The following FZR1 variants were observed in gnomAD, a reference collection of about 807,000 sequenced individuals.
The protein encoded by FZR1 is fizzy and cell division cycle 20 related 1.
In FZR1, 11 loss-of-function variants were observed where a neutral mutation model predicts 63.6. The ratio of observed to expected loss-of-function variants is 0.17; its 90% CI spans 0.11 to 0.29. The LOEUF is 0.29. Ranked by LOEUF, FZR1 falls within the 10% of genes least tolerant of loss-of-function variation. The pLI, the probability that FZR1 is intolerant of heterozygous loss-of-function variation, is 1.00. For synonymous variants in FZR1, 328 were observed against 297.9 expected, an observed-to-expected ratio of 1.10 and a Z score of -1.04; for missense variants, 440 against 687.5, an observed-to-expected ratio of 0.64 and a Z score of 4.03.
chr19:3,508,887 C>G (rs573118320), intron 1 of FZR1, among the ~76,000 whole-genome samples: 1 of 152,354 alleles, frequency 6.6e-6, no homozygotes, highest in South Asian at 2.1e-4. Context: ...CTGTGAGCCC[C>G]GTGAGGGCAG....
intron 1 of FZR1, among the ~76,000 whole-genome samples, chr19:3,520,469 C>T (rs537195723): frequency 2.6e-5 from 4 of 152,350 alleles, no homozygotes; most frequent in African/African-American, 9.6e-5. Context: ...CTGCCCTGCA[C>T]TCTGCCTTCG....
chr19:3,531,632 G>A lies in FZR1; in HGVS notation c.721-82G>A, dbSNP rs149927399. ...GTCCCAGAGCCCTGGTGAGGAGAGA[G>A]CCTGGCGCGACCAACGCCAGGACGG... On this transcript the variant is annotated intron_variant, in intron 8 of 13. Coordinates refer to ENST00000441788, the MANE Select transcript of FZR1 (RefSeq NM_016263.4). 864 of 925,170 alleles carry A rather than the reference G, an allele frequency of 9.3e-4. 1 individual carries two copies. The highest frequency in any genetic ancestry group is 1.2e-3 in the Non-Finnish European group (728 of 604,838). The allele number at this position is 925,170 out of a possible 1,614,324, so 57.3% of individuals were successfully genotyped here.
At position 3,535,826 on chromosome 19, in the gene FZR1, C is replaced by G. The variant is rs1216553351; in HGVS notation, c.*990C>G. 6.6e-6 allele frequency: 1 copy of G among 152,368 alleles called. No homozygotes were observed. Among genetic ancestry groups the G allele is most frequent in the African/African-American group, 2.4e-5 (1 of 41,470 alleles). The allele number at this position is 152,368 out of a possible 1,614,324, so 9.4% of individuals were successfully genotyped here. A position where few individuals can be genotyped will look rare whatever the true frequency, so the allele number is the denominator to read the frequency against. On this transcript the variant is annotated 3_prime_UTR_variant, in exon 14 of 14. Transcript: ENST00000441788. ...CACCTGTCCTGTCCACCAGCGCCAACAGCCGTGGGGAAGCCAAGGAGACCC... is the reference window on the plus strand; with the variant it reads ...CACCTGTCCTGTCCACCAGCGCCAAGAGCCGTGGGGAAGCCAAGGAGACCC...
chr19:3,513,548 C>T (rs1336317263), intron 1 of FZR1, among the ~76,000 whole-genome samples: 2 of 152,220 alleles, frequency 1.3e-5, no homozygotes, highest in African/African-American at 4.8e-5. Context: ...GGCGCCTGCC[C>T]ACCTGCTGTC....
intron 1 of FZR1, chr19:3,521,269 TATC>T (rs1357462418): frequency 1.3e-5 from 2 of 152,236 alleles, no homozygotes; most frequent in Non-Finnish European, 2.9e-5. Flanking sequence ...GACATAACTT[TATC>T]ATCACTTAAC....
rs916590970 is a variant in FZR1 at position 3,534,792 on chromosome 19, C to T, written c.1441-3C>T. The T allele has an allele frequency of 5.0e-6, 8 of 1,612,524 alleles. No homozygotes were observed. The highest frequency in any genetic ancestry group is 1.1e-5 in the South Asian group (1 of 91,074). On this transcript the variant is annotated splice_region_variant and splice_polypyrimidine_tract_variant and intron_variant, in intron 13 of 13. Transcript: ENST00000441788. Reference sequence around the variant, plus strand: ...CGCATCTGCCATCCCCATGTGTCTGCAGGAGTCTGTGTCTGTGCTCAACCT... The same window carrying T: ...CGCATCTGCCATCCCCATGTGTCTGTAGGAGTCTGTGTCTGTGCTCAACCT...
At chr19:3,517,902 C>T (rs962352225) in intron 1 of FZR1, among the ~76,000 whole-genome samples, 26 of 149,500 alleles carry the variant, frequency 1.7e-4, no homozygotes, top group South Asian at 1.3e-3. Flanking sequence ...GCACTGTTGC[C>T]CAGGCTGGAG....
rs200805373 is a variant in FZR1 at position 3,526,200 on chromosome 19, A to G, written c.259+17A>G. 1 of 1,612,088 alleles carries G rather than the reference A, an allele frequency of 6.2e-7. No homozygotes were observed. The highest frequency in any genetic ancestry group is 1.7e-5 in the Admixed American group (1 of 60,010). ...ACGGCAAAGGTTAGGGTCCCAGCCC[A>G]TCCGCCCTGCAGGCCCCCACCCTGC... On this transcript the variant is annotated intron_variant, in intron 4 of 13. Coordinates refer to ENST00000441788, the MANE Select transcript of FZR1 (RefSeq NM_016263.4). This position sits in a 1 kb window ranked among gnomAD's most constrained non-coding sequence, Gnocchi z 5.4.
In FZR1 at chr19:3,526,147, C is replaced by T. The variant is rs1265106596; in HGVS notation, c.223C>T (p.Arg75Trp). 10 of 1,612,968 alleles carry T rather than the reference C, an allele frequency of 6.2e-6. No individual in the cohort carries two copies. Among genetic ancestry groups the T allele is most frequent in the South Asian group, 1.1e-5 (1 of 91,084 alleles). Residue 75 changes from arginine to tryptophan, a missense_variant, in exon 4 of 14, where the codon CGG (arginine) becomes TGG (tryptophan). Physicochemically the swap from Arg to Trp is moderately radical, Grantham distance 101. Coordinates refer to ENST00000441788, the MANE Select transcript of FZR1 (RefSeq NM_016263.4). This position sits in a 1 kb window ranked among gnomAD's most constrained non-coding sequence, Gnocchi z 5.4. The stretch of plus-strand genomic sequence containing the variant: ...GAATGAGAAGTCTCCCAGTCAGAAC[C>T]GGAAAGCCAAGGACGCCACCTCAGA... ...NENEKSPSQN[R>W]KAKDATSDNG...
chr19:3,537,352 TG>T lies in FZR1; in HGVS notation c.*2520del, dbSNP rs1461908595. ...GAAGGCCAGTGGGGCCATCGCTTCC[TG>T]GGGCGACCCTGGCAGTGGTTGGGAG... On this transcript the variant is annotated 3_prime_UTR_variant, in exon 14 of 14. Transcript: ENST00000441788. 3.3e-5 allele frequency: 5 copies of T among 152,224 alleles called. No homozygotes were observed. The highest frequency in any genetic ancestry group is 1.2e-4 in the African/African-American group (5 of 41,440). The allele number at this position is 152,224 out of a possible 1,614,324, so 9.4% of individuals were successfully genotyped here.
chr19:3,523,029 G>T lies in FZR1; in HGVS notation c.40G>T (p.Val14Phe), dbSNP rs375035740. The change falls in exon 2 of 14, where the codon GTC becomes TTC. Residue 14 changes from valine (V) to phenylalanine (F), a missense_variant. By Grantham distance (50) the Val-to-Phe change is conservative (BLOSUM62 -1). Coordinates refer to ENST00000441788, the MANE Select transcript of FZR1 (RefSeq NM_016263.4). ...TGAGCGGCGCCTGCTTCGCCAGATC[G>T]TCATCCAGAATGAGAACACGATGCC... ...DYERRLLRQI[V>F]IQNENTMPRV... 1.9e-6 allele frequency: 3 copies of T among 1,610,906 alleles called. No individual in the cohort carries two copies. The highest frequency in any genetic ancestry group is 2.5e-6 in the Non-Finnish European group (3 of 1,178,218).
At chr19:3,510,033 C>T (rs1172066037) in intron 1 of FZR1, among the ~76,000 whole-genome samples, 1 of 152,156 alleles carries the variant, frequency 6.6e-6, no homozygotes, top group Non-Finnish European at 1.5e-5. Flanking sequence ...GTGAGCCCAG[C>T]TCTAGAGACC....
In FZR1 at chr19:3,537,652, G is replaced by C. The variant is rs1200052032; in HGVS notation, c.*2816G>C. On this transcript the variant is annotated 3_prime_UTR_variant, in exon 14 of 14. Coordinates refer to ENST00000441788, the MANE Select transcript of FZR1 (RefSeq NM_016263.4). ...GGGGCCGGGGGCTGCAGGGGAGGCT[G>C]TGGGGGTCCTGGCAGCCAGGAGGCC... is the stretch of plus-strand genomic sequence containing the variant. 1 of 152,900 alleles carries C rather than the reference G, an allele frequency of 6.5e-6. No homozygotes were observed. The highest frequency in any genetic ancestry group is 1.5e-5 in the Non-Finnish European group (1 of 68,764). 9.5% of individuals were successfully genotyped at this position (152,900 alleles called of 1,614,324 possible). A position where few individuals can be genotyped will look rare whatever the true frequency, so the allele number is the denominator to read the frequency against.
intron 1 of FZR1, among the ~76,000 whole-genome samples, chr19:3,510,691 C>T (rs1269310223): frequency 6.6e-6 from 1 of 152,156 alleles, no homozygotes; most frequent in Non-Finnish European, 1.5e-5. Context: ...GTCTGTTTGC[C>T]CTGGAGAGCA....
chr19:3,531,467 G>T (rs548046258), intron 8 of FZR1, among the ~76,000 whole-genome samples: 3 of 152,360 alleles, frequency 2.0e-5, no homozygotes, highest in Admixed American at 2.0e-4. Flanking sequence ...CATGTGGGAA[G>T]GTCCACGTAC....
intron 1 of FZR1, among the ~76,000 whole-genome samples, chr19:3,508,725 C>T (rs566732988): frequency 6.6e-6 from 1 of 152,222 alleles, no homozygotes; most frequent in African/African-American, 2.4e-5. Flanking sequence ...GAACTCAGCG[C>T]TGTCACTCCT....
chr19:3,532,183 G>C, intron 10 of FZR1, 88 bp downstream of exon 10: 1 of 1,261,634 alleles, frequency 7.9e-7, no homozygotes, highest in Non-Finnish European at 1.1e-6. Flanking sequence ...GCTGGGGCGG[G>C]CGCGGGCGCG....
intron 1 of FZR1, among the ~76,000 whole-genome samples, chr19:3,518,275 CA>C (rs1173144781): frequency 6.6e-6 from 1 of 152,164 alleles, no homozygotes; most frequent in African/African-American, 2.4e-5. Context: ...CAGCCCCCCA[CA>C]GTGCCTCTGT....
At chr19:3,527,195 C>T (rs1212012178) in intron 6 of FZR1, 133 bp downstream of exon 6, 4 of 756,090 alleles carry the variant, frequency 5.3e-6, no homozygotes, top group Non-Finnish European at 4.6e-6. Context: ...CTTCCCAGGG[C>T]ATAGTGGCCT....
Sources: allele counts gnomAD v4.1 joint callset (sites outside exome capture counted in the v4.1 genomes callset), GRCh38; gene constraint gnomAD v4.1.1; non-coding constraint Gnocchi (gnomAD v3.1); transcripts MANE v1.5; gene names NCBI Gene and HGNC (gene_info 2026-07-23, HGNC 2026-07-21).